Variants in CNGA3 observed in about 807,000 individuals in gnomAD.
The protein encoded by CNGA3 is cyclic nucleotide-gated channel alpha-3.
Under a neutral mutation model 46.6 loss-of-function variants are expected in CNGA3, and 42 were observed. The ratio of observed to expected loss-of-function variants is 0.90; its 90% CI spans 0.70 to 1.17. The LOEUF is 1.17. CNGA3 is among the 50% of genes most tolerant of loss of function. CNGA3 has a pLI of 0.00. For missense variants in CNGA3, 893 were observed against 890.7 expected, an observed-to-expected ratio of 1.00 and a Z score of -0.03; for synonymous variants, 394 against 369.4, an observed-to-expected ratio of 1.07 and a Z score of -0.76.
Position 98,347,921 on chromosome 2 carries a change from T to C in CNGA3, c.-38+1387T>C, listed in dbSNP as rs187022839. ...AGTGCTGTCTGGGCACGGAGTCCAA[T>C]GTACAGCGTGCGTTCACGCTGAGAA... On this transcript the variant is annotated intron_variant, in intron 1 of 7. Transcript: ENST00000272602. 2.2e-3 allele frequency among the ~76,000 whole-genome samples: 328 copies of C among 152,302 alleles called. 1 individual carries two copies. The highest frequency in any genetic ancestry group is 3.3e-3 in the Non-Finnish European group (225 of 68,018).
chr2:98,359,566 C>A (rs894409276), intron 1 of CNGA3, among the ~76,000 whole-genome samples: 1 of 152,170 alleles, frequency 6.6e-6, no homozygotes, highest in African/African-American at 2.4e-5. Context: ...AGGTTCAAAC[C>A]GAGAGTACTC....
At chr2:98,361,857 G>A (rs1044090842) in intron 1 of CNGA3, among the ~76,000 whole-genome samples, 22 of 151,890 alleles carry the variant, frequency 1.4e-4, no homozygotes, top group South Asian at 1.0e-3. Flanking sequence ...ACAGGCGCCC[G>A]CCACCACCCC....
At chr2:98,385,443 G>A (rs1311803748) in intron 5 of CNGA3, among the ~76,000 whole-genome samples, 1 of 151,990 alleles carries the variant, frequency 6.6e-6, no homozygotes, top group Non-Finnish European at 1.5e-5. Flanking sequence ...AAGCACACAG[G>A]GGCATACACA....
At chr2:98,367,167 G>A (rs1043156233) in intron 1 of CNGA3, among the ~76,000 whole-genome samples, 4 of 101,588 alleles carry the variant, frequency 3.9e-5, no homozygotes, top group African/African-American at 1.3e-4. Flanking sequence ...GACATCAGCT[G>A]TTTTTTTTCT....
At chr2:98,392,314 C>G (rs144570402) in intron 7 of CNGA3, among the ~76,000 whole-genome samples, 1 of 152,168 alleles carries the variant, frequency 6.6e-6, no homozygotes, top group African/African-American at 2.4e-5. Flanking sequence ...AATCCTAGGA[C>G]TTTGGGAGGC....
intron 3 of CNGA3, 159 bp downstream of exon 3, chr2:98,377,959 T>A (rs1438326088): frequency 7.2e-7 from 1 of 1,391,058 alleles, no homozygotes; most frequent in African/African-American, 1.4e-5. Context: ...AGTGAGTAAT[T>A]TCCTCTTGGG....
In CNGA3 at chr2:98,396,812, G is replaced by T. The variant is rs781227859; in HGVS notation, c.1642G>T (p.Gly548Trp). 1 of 1,614,166 alleles carries T rather than the reference G, an allele frequency of 6.2e-7. No individual in the cohort carries two copies. The highest frequency in any genetic ancestry group is 8.5e-7 in the Non-Finnish European group (1 of 1,180,030). ...GGTCCTCAGCGATGGCAGCTACTTC[G>T]GGGAGATCAGCATTCTGAACATCAA... ...FVVLSDGSYF[G>W]EISILNIKGS... Residue 548 changes from glycine to tryptophan, a missense_variant, in exon 8 of 8, where the codon GGG (glycine) becomes TGG (tryptophan). Gly to Trp is a radical substitution (Grantham distance 184). Coordinates refer to ENST00000272602, the MANE Select transcript of CNGA3 (RefSeq NM_001298.3).
chr2:98,377,499 G>A, intron 2 of CNGA3, 188 bp from the exon 3 acceptor site: 1 of 619,888 alleles, frequency 1.6e-6, no homozygotes, highest in Non-Finnish European at 2.9e-6. Flanking sequence ...TAAAGGAAAG[G>A]CCACGTTTAT....
At chr2:98,354,355 C>T (rs367822150) in intron 1 of CNGA3, among the ~76,000 whole-genome samples, 29 of 152,082 alleles carry the variant, frequency 1.9e-4, no homozygotes, top group Non-Finnish European at 3.7e-4. Flanking sequence ...TGACTAAATA[C>T]GTGGAGAATG....
chr2:98,371,381 TTC>T (rs1375684062), intron 2 of CNGA3, among the ~76,000 whole-genome samples: 4 of 152,158 alleles, frequency 2.6e-5, no homozygotes, highest in African/African-American at 9.7e-5. Flanking sequence ...ATTTGGTTGT[TTC>T]TCTGTCTACA....
At position 98,397,634 on chromosome 2, in the gene CNGA3, C is replaced by G. The variant is rs1692952756; in HGVS notation, c.*379C>G. On this transcript the variant is annotated 3_prime_UTR_variant, in exon 8 of 8. Transcript: ENST00000272602. ...TTATAAATGAAAGATTATTTAGTCA[C>G]CTTTCTCCTGTCCAACTTCACCACC... 9.5e-6 allele frequency: 3 copies of G among 317,012 alleles called. No homozygotes were observed. The highest frequency in any genetic ancestry group is 1.8e-5 in the Non-Finnish European group (3 of 166,810). 19.6% of individuals were successfully genotyped at this position (317,012 alleles called of 1,614,324 possible). A position where few individuals can be genotyped will look rare whatever the true frequency, so the allele number is the denominator to read the frequency against.
chr2:98,354,450 T>C (rs1691835595), intron 1 of CNGA3, among the ~76,000 whole-genome samples: 1 of 144,354 alleles, frequency 6.9e-6, no homozygotes, highest in Non-Finnish European at 1.6e-5. Context: ...TTGAGTTATT[T>C]GACTTTTGTT....
intron 2 of CNGA3, 42 bp from the exon 3 acceptor site, chr2:98,377,645 G>A (rs779641925): frequency 6.4e-7 from 1 of 1,559,970 alleles, no homozygotes; most frequent in Non-Finnish European, 8.7e-7. Flanking sequence ...GAGGTAGATG[G>A]GCTTGAAATC....
intron 5 of CNGA3, among the ~76,000 whole-genome samples, chr2:98,384,571 A>G (rs1034551877): frequency 2.0e-5 from 3 of 152,194 alleles, no homozygotes; most frequent in African/African-American, 7.2e-5. Context: ...AAATCCAGAG[A>G]CCCAAATGCC....
intron 6 of CNGA3, among the ~76,000 whole-genome samples, chr2:98,390,868 C>T (rs1692769353): frequency 6.6e-6 from 1 of 152,192 alleles, no homozygotes; most frequent in South Asian, 2.1e-4. Flanking sequence ...GTGTGCAGGA[C>T]AGGTGTGCAA....
At chr2:98,383,298 G>A (rs950073850) in intron 4 of CNGA3, 90 bp from the exon 5 acceptor site, 16 of 1,206,952 alleles carry the variant, frequency 1.3e-5, no homozygotes, top group Non-Finnish European at 1.8e-5. Flanking sequence ...ATAGGGATTG[G>A]GGGGTGGGGC....
chr2:98,379,364 A>G (rs1323024948), intron 3 of CNGA3, among the ~76,000 whole-genome samples: 2 of 152,260 alleles, frequency 1.3e-5, no homozygotes, highest in Non-Finnish European at 2.9e-5. Flanking sequence ...ATGCCAAATC[A>G]GGGAAACCAG....
chr2:98,365,178 G>C (rs114034738), intron 1 of CNGA3, among the ~76,000 whole-genome samples: 1 of 151,932 alleles, frequency 6.6e-6, no homozygotes, highest in Admixed American at 6.6e-5. Context: ...CCAGTGGCTC[G>C]CTCCTATAAT....
At chr2:98,367,170 T>TATTTTC (rs1285825841) in intron 1 of CNGA3, among the ~76,000 whole-genome samples, 1,563 of 119,056 alleles carry the variant, frequency 0.013, 53 homozygotes, top group East Asian at 0.019. Context: ...ATCAGCTGTT[T>TATTTTC]TTTTTCTTTT....
Sources: gnomAD v4.1 joint callset for allele counts (sites outside exome capture counted in the v4.1 genomes callset) on GRCh38, gnomAD v4.1.1 for gene constraint, MANE v1.5 for transcripts, NCBI Gene and HGNC (gene_info 2026-07-23, HGNC 2026-07-21) for gene names.